TMEM202: variants seen among roughly 807,000 people sequenced by gnomAD.
TMEM202 encodes transmembrane protein 202.
A neutral mutation model predicts 26.1 loss-of-function variants in TMEM202; 25 were observed. The ratio of observed to expected loss-of-function variants is 0.96; its 90% CI spans 0.70 to 1.34. TMEM202 has a LOEUF of 1.34. Among genes scored for constraint, TMEM202 ranks in the 40% most tolerant of loss-of-function variants. TMEM202 has a pLI of 0.00. For synonymous variants in TMEM202, 122 were observed against 119.0 expected (o/e 1.02, Z -0.16); for missense variants, 301 against 327.7 (o/e 0.92, Z 0.63).
At position 72,398,712 on chromosome 15, in the gene TMEM202, G is replaced by T; in HGVS notation, c.141G>T (p.Gln47His). Residue 47 changes from glutamine to histidine, a missense_variant, in exon 2 of 5, where the codon CAG (glutamine) becomes CAT (histidine). Transcript: ENST00000341689. ...SASMSCQRQQQLMDQAHIYIR... is the reference protein window; with the variant it reads ...SASMSCQRQQHLMDQAHIYIR... Reference sequence around the variant, plus strand: ...CGATGTCATGCCAAAGGCAGCAGCAGCTTATGGATCAGGCACACATCTACA... The same window carrying T: ...CGATGTCATGCCAAAGGCAGCAGCATCTTATGGATCAGGCACACATCTACA... The T allele has an allele frequency of 6.2e-7, 1 of 1,614,190 alleles. No individual in the cohort carries two copies. Among genetic ancestry groups the T allele is most frequent in the Non-Finnish European group, 8.5e-7 (1 of 1,180,038 alleles).
chr15:72,404,315 TG>T (rs1378062192), intron 2 of TMEM202, among the ~76,000 whole-genome samples: 2 of 152,014 alleles, frequency 1.3e-5, no homozygotes, highest in Admixed American at 1.3e-4. Context: ...CTCAAGAGGC[TG>T]AGGTGGGAGG....
intron 2 of TMEM202, among the ~76,000 whole-genome samples, chr15:72,400,028 AG>A (rs1262971954): frequency 1.3e-5 from 2 of 152,262 alleles, no homozygotes; most frequent in Admixed American, 6.5e-5. Flanking sequence ...ATTAAGGGAC[AG>A]TATCCTGCAT....
At chr15:72,399,656 G>C (rs1331323809) in intron 2 of TMEM202, among the ~76,000 whole-genome samples, 3 of 152,158 alleles carry the variant, frequency 2.0e-5, no homozygotes, top group African/African-American at 7.2e-5. Flanking sequence ...ACAAATGCCA[G>C]CTATGAAGAT....
intron 2 of TMEM202, 83 bp downstream of exon 2, chr15:72,398,991 T>G: frequency 6.6e-7 from 1 of 1,510,468 alleles, no homozygotes; most frequent in Non-Finnish European, 8.9e-7. Flanking sequence ...TCATGTTTCT[T>G]CCTCCAAGAT....
chr15:72,404,682 A>C (rs1472509480), intron 2 of TMEM202, among the ~76,000 whole-genome samples: 1 of 152,204 alleles, frequency 6.6e-6, no homozygotes, highest in African/African-American at 2.4e-5. Flanking sequence ...ACATCTTCTC[A>C]GTTCAAGCAA....
intron 2 of TMEM202, among the ~76,000 whole-genome samples, chr15:72,402,352 C>T (rs191992404): frequency 8.5e-5 from 13 of 152,332 alleles, no homozygotes; most frequent in African/African-American, 3.1e-4. Flanking sequence ...TCGTTCCCCT[C>T]CCTGACAGTT....
intron 3 of TMEM202, 129 bp downstream of exon 3, chr15:72,406,880 C>G: frequency 8.3e-7 from 1 of 1,204,236 alleles, no homozygotes; most frequent in Non-Finnish European, 1.2e-6. Flanking sequence ...AACTTGCCAG[C>G]TATCTGCCTT....
intron 2 of TMEM202, among the ~76,000 whole-genome samples, chr15:72,405,345 G>C (rs1291182546): frequency 6.6e-6 from 1 of 152,156 alleles, no homozygotes; most frequent in African/African-American, 2.4e-5. Flanking sequence ...GCTCAGAAAA[G>C]CTATAGCTAC....
chr15:72,400,772 T>C lies in TMEM202; in HGVS notation c.337+1864T>C, dbSNP rs1363211853. Among the ~76,000 whole-genome samples, 4 of 152,096 alleles carry C rather than the reference T, an allele frequency of 2.6e-5. No individual in the cohort carries two copies. The East Asian group carries it at 5.8e-4, about 22-fold the overall frequency. ...TAAAGTGAAAGCAAATTTAAGAAAG[T>C]AAAGGAATAAAAGAATGGCTACTCC... On this transcript the variant is annotated intron_variant, in intron 2 of 4. Transcript: ENST00000341689.
chr15:72,398,525 T>C, intron 1 of TMEM202, 118 bp downstream of exon 1: 2 of 1,432,396 alleles, frequency 1.4e-6, no homozygotes, highest in East Asian at 2.4e-5. Flanking sequence ...GGTTTTTTTT[T>C]TTTAGGAGTA....
At position 72,398,684 on chromosome 15, in the gene TMEM202, C is replaced by T; in HGVS notation, c.113C>T (p.Ala38Val). 1 of 1,614,176 alleles carries T rather than the reference C, an allele frequency of 6.2e-7. No homozygotes were observed. The highest frequency in any genetic ancestry group is 8.5e-7 in the Non-Finnish European group (1 of 1,180,024). ...PTVPAKKHPS[A>V]SMSCQRQQQL... ...GTCCCTGCCAAGAAACATCCAAGTG[C>T]CTCGATGTCATGCCAAAGGCAGCAG... Residue 38 changes from alanine to valine, a missense_variant, in exon 2 of 5, where the codon GCC becomes GTC. By Grantham distance (64) the Ala-to-Val change is moderately conservative (BLOSUM62 0). Transcript: ENST00000341689.
At chr15:72,406,893 C>T (rs2063574411) in intron 3 of TMEM202, 142 bp downstream of exon 3, 2 of 1,174,424 alleles carry the variant, frequency 1.7e-6, no homozygotes, top group African/African-American at 3.1e-5. Context: ...TCTGCCTTAT[C>T]TAATTATATA....
At chr15:72,402,180 G>A (rs2063550570) in intron 2 of TMEM202, among the ~76,000 whole-genome samples, 1 of 152,108 alleles carries the variant, frequency 6.6e-6, no homozygotes, top group Admixed American at 6.5e-5. Flanking sequence ...TAGCCAGGCA[G>A]GTCTTGAACT....
chr15:72,406,584 T>C lies in TMEM202; in HGVS notation c.338-18T>C, dbSNP rs187040086. 5.0e-5 allele frequency: 81 copies of C among 1,612,110 alleles called. 1 individual carries two copies. In the Middle Eastern group the frequency reaches 8.6e-4, roughly 17 times the overall value. On this transcript the variant is annotated intron_variant, in intron 2 of 4. Transcript: ENST00000341689. ...TCACTGGACTAACCACGGTCTTCCT[T>C]TCCTCTTCTTCATGCAGATTATCTC...
At chr15:72,402,614 G>A (rs2063552917) in intron 2 of TMEM202, among the ~76,000 whole-genome samples, 1 of 152,122 alleles carries the variant, frequency 6.6e-6, no homozygotes, top group South Asian at 2.1e-4. Flanking sequence ...AGACCCTTCT[G>A]TTATTTTCCC....
In TMEM202 at chr15:72,398,808, G is replaced by C; in HGVS notation, c.237G>C (p.Trp79Cys). The C allele has an allele frequency of 6.2e-7, 1 of 1,614,100 alleles. No homozygotes were observed. Among genetic ancestry groups the C allele is most frequent in the Non-Finnish European group, 8.5e-7 (1 of 1,180,034 alleles). Residue 79 changes from tryptophan to cysteine, a missense_variant, in exon 2 of 5, where the codon TGG becomes TGC. Trp to Cys is a radical substitution (Grantham distance 215). Transcript: ENST00000341689. ...LMLIAMSPLN[W>C]VQFLVIKNGL... is the part of the protein sequence containing the mutation. ...TGATCGCCATGTCCCCACTGAACTG[G>C]GTACAGTTTCTGGTGATCAAGAATG...
Position 72,406,613 on chromosome 15 carries a change from T to C in TMEM202, c.349T>C (p.Tyr117His), listed in dbSNP as rs752710922. ...TCTTCTTCATGCAGATTATCTCCAA[T>C]ATTCCAGGGCCTTCTTTCTCATCTC... ...HTPKPPYYLQ[Y>H]SRAFFLISVF... The change falls in exon 3 of 5, where the codon TAT becomes CAT. Residue 117 changes from tyrosine to histidine, a missense_variant. By Grantham distance (83) the Tyr-to-His change is moderately conservative. Coordinates refer to ENST00000341689, the MANE Select transcript of TMEM202 (RefSeq NM_001080462.3). 1.2e-6 allele frequency: 2 copies of C among 1,613,838 alleles called. No homozygotes were observed. The highest frequency in any genetic ancestry group is 1.1e-5 in the South Asian group (1 of 91,056).
intron 3 of TMEM202, 63 bp downstream of exon 3, chr15:72,406,814 C>G (rs1173362372): frequency 5.2e-6 from 8 of 1,539,534 alleles, no homozygotes; most frequent in Non-Finnish European, 7.1e-6. Flanking sequence ...CAAATTTTCT[C>G]TGTGGAACTC....
intron 2 of TMEM202, among the ~76,000 whole-genome samples, chr15:72,399,838 A>G (rs1432748117): frequency 6.6e-6 from 1 of 152,242 alleles, no homozygotes; most frequent in Non-Finnish European, 1.5e-5. Flanking sequence ...ATAACCCGCA[A>G]GATATACATT....
Sources: allele counts gnomAD v4.1 joint callset (sites outside exome capture counted in the v4.1 genomes callset), GRCh38; gene constraint gnomAD v4.1.1; transcripts MANE v1.5; gene names NCBI Gene and HGNC (gene_info 2026-07-23, HGNC 2026-07-21).